Variants in EIF4H observed in about 807,000 individuals in gnomAD.
EIF4H encodes Williams-Beuren syndrome chromosome region 1.
Under a neutral mutation model 30.6 loss-of-function variants are expected in EIF4H, and 8 were observed. The ratio of observed to expected loss-of-function variants is 0.26; its 90% CI spans 0.15 to 0.47. EIF4H has a LOEUF of 0.47. EIF4H is among the 20% of genes least tolerant of loss of function. The pLI, the probability that EIF4H is intolerant of heterozygous loss-of-function variation, is 0.99. For missense variants in EIF4H, 188 were observed against 339.5 expected, an observed-to-expected ratio of 0.55 and a Z score of 3.51; for synonymous variants, 106 against 122.7, an observed-to-expected ratio of 0.86 and a Z score of 0.90.
At chr7:74,181,517 C>T (rs1261429444) in intron 1 of EIF4H, among the ~76,000 whole-genome samples, 2 of 152,076 alleles carry the variant, frequency 1.3e-5, no homozygotes, top group Non-Finnish European at 2.9e-5. Context: ...CCACAACCTC[C>T]GCCTCCTGGG....
intron 1 of EIF4H, among the ~76,000 whole-genome samples, chr7:74,176,239 CTTT>C (rs1283931267): frequency 4.4e-5 from 6 of 137,650 alleles, no homozygotes; most frequent in Admixed American, 1.5e-4. Flanking sequence ...CATGTGTATT[CTTT>C]TTTTTTTTTT....
At chr7:74,194,450 G>A (rs1159790634) in intron 5 of EIF4H, among the ~76,000 whole-genome samples, 9 of 152,114 alleles carry the variant, frequency 5.9e-5, no homozygotes, top group South Asian at 4.1e-4. Flanking sequence ...ATACAGTTTC[G>A]TGGTATTAAT....
At chr7:74,180,294 G>T (rs1023566648) in intron 1 of EIF4H, among the ~76,000 whole-genome samples, 1 of 152,200 alleles carries the variant, frequency 6.6e-6, no homozygotes, top group Non-Finnish European at 1.5e-5. Flanking sequence ...ACCATAGTTT[G>T]TTCTATAGAA....
At chr7:74,190,422 C>A in intron 5 of EIF4H, 116 bp downstream of exon 5, 5 of 1,038,764 alleles carry the variant, frequency 4.8e-6, no homozygotes, top group Non-Finnish European at 7.3e-6. Flanking sequence ...TTAACAAATA[C>A]AACTCTCCTG....
At chr7:74,192,158 T>C (rs565064864) in intron 5 of EIF4H, among the ~76,000 whole-genome samples, 6 of 152,304 alleles carry the variant, frequency 3.9e-5, no homozygotes, top group Non-Finnish European at 7.4e-5. Context: ...ACGCTAGACA[T>C]TGGTGGTCGA....
chr7:74,189,040 G>C (rs974581270), intron 2 of EIF4H, among the ~76,000 whole-genome samples: 4 of 152,116 alleles, frequency 2.6e-5, no homozygotes, highest in Non-Finnish European at 4.4e-5. Context: ...GGGATGCAGG[G>C]TGTAGTGCCA....
At chr7:74,194,213 C>T (rs1187197945) in intron 5 of EIF4H, among the ~76,000 whole-genome samples, 1 of 152,208 alleles carries the variant, frequency 6.6e-6, no homozygotes, top group Non-Finnish European at 1.5e-5. Flanking sequence ...CACACAGGTG[C>T]TTTGCTTGTA....
At chr7:74,174,568 C>A in intron 1 of EIF4H, 126 bp downstream of exon 1, 3 of 936,550 alleles carry the variant, frequency 3.2e-6, no homozygotes, top group Non-Finnish European at 2.7e-6. Context: ...GGCCTAGGAG[C>A]GGCGCCTGGA....
At chr7:74,190,729 G>A (rs1801187485) in intron 5 of EIF4H, among the ~76,000 whole-genome samples, 1 of 152,106 alleles carries the variant, frequency 6.6e-6, no homozygotes, top group East Asian at 1.9e-4. Context: ...GGAGGATTGT[G>A]GGGAGGTCCA....
chr7:74,180,593 T>C (rs1167280319), intron 1 of EIF4H, among the ~76,000 whole-genome samples: 1 of 152,226 alleles, frequency 6.6e-6, no homozygotes, highest in Admixed American at 6.5e-5. Context: ...AGGTCTTTGC[T>C]TTATAAATGT....
chr7:74,177,242 C>T (rs1231863251), intron 1 of EIF4H, among the ~76,000 whole-genome samples: 1 of 152,214 alleles, frequency 6.6e-6, no homozygotes, highest in East Asian at 1.9e-4. Flanking sequence ...AGCTACCACG[C>T]CCAGCCTAGG....
In EIF4H at chr7:74,195,512, T is replaced by C; in HGVS notation, c.*204T>C. ...CTTTGCTGTATCTATCTAGTGCCTGTTTGTGCGTTTTTTTCTTTCTTCCGC... is the reference window on the plus strand; with the variant it reads ...CTTTGCTGTATCTATCTAGTGCCTGCTTGTGCGTTTTTTTCTTTCTTCCGC... On this transcript the variant is annotated 3_prime_UTR_variant, in exon 7 of 7. Transcript: ENST00000265753. 2.2e-6 allele frequency: 1 copy of C among 457,874 alleles called. No homozygotes were observed. Among genetic ancestry groups the C allele is most frequent in the Non-Finnish European group, 3.8e-6 (1 of 261,028 alleles). 28.4% of individuals were successfully genotyped at this position (457,874 alleles called of 1,614,324 possible).
chr7:74,174,492 TCGGG>T (rs1800790022), intron 1 of EIF4H, 50 bp downstream of exon 1: 2 of 1,309,722 alleles, frequency 1.5e-6, no homozygotes, highest in African/African-American at 3.1e-5. Context: ...ACCGGCGGAG[TCGGG>T]GCCGTCAGGG....
At chr7:74,178,570 C>T (rs1345924725) in intron 1 of EIF4H, among the ~76,000 whole-genome samples, 1 of 151,814 alleles carries the variant, frequency 6.6e-6, no homozygotes, top group Non-Finnish European at 1.5e-5. Flanking sequence ...AAAAATTAAG[C>T]TTAGTGTTCT....
chr7:74,179,776 T>A (rs1213147318), intron 1 of EIF4H, among the ~76,000 whole-genome samples: 2 of 152,206 alleles, frequency 1.3e-5, no homozygotes, highest in African/African-American at 4.8e-5. Context: ...GTTGGTACAT[T>A]TTGTTATACA....
Position 74,196,462 on chromosome 7 carries a change from G to A in EIF4H, c.*1154G>A, listed in dbSNP as rs1554710788. On this transcript the variant is annotated 3_prime_UTR_variant, in exon 7 of 7. Coordinates refer to ENST00000265753, the MANE Select transcript of EIF4H (RefSeq NM_022170.2). ...TGTCTAGGTCTGCGGCCACATCTTGGGGACACACTGGACTGTTCCCATGTG... is the reference window on the plus strand; with the variant it reads ...TGTCTAGGTCTGCGGCCACATCTTGAGGACACACTGGACTGTTCCCATGTG... 1.3e-5 allele frequency: 2 copies of A among 152,686 alleles called. No homozygotes were observed. The highest frequency in any genetic ancestry group is 4.8e-5 in the African/African-American group (2 of 41,458). The allele number at this position is 152,686 out of a possible 1,614,324, so 9.5% of individuals were successfully genotyped here.
intron 1 of EIF4H, among the ~76,000 whole-genome samples, chr7:74,181,423 T>C (rs563500041): frequency 1.4e-4 from 22 of 152,284 alleles, no homozygotes; most frequent in Non-Finnish European, 2.2e-4. Context: ...TTTGTTTTTT[T>C]TGTTTTTTGT....
At chr7:74,187,884 C>A in intron 2 of EIF4H, 86 bp downstream of exon 2, 1 of 1,384,588 alleles carries the variant, frequency 7.2e-7, no homozygotes, top group African/African-American at 1.5e-5. Context: ...GATTTGTGAA[C>A]CAGAGGCTGT....
Position 74,174,391 on chromosome 7 carries a change from A to G in EIF4H, c.8A>G (p.Asp3Gly). Residue 3 changes from aspartate to glycine, a missense_variant, in exon 1 of 7, where the codon GAC becomes GGC. Around this residue, in one of 4 missense-constraint regions of EIF4H, gnomAD observed 43 missense variants for 43.4 expected, o/e 0.99. Transcript: ENST00000265753. MA[D>G]FDTYDDRAYS... ...TCGGAGCGGAGACGGCAAATGGCGG[A>G]CTTCGACACCTACGACGATCGGGCC... 1 of 1,457,596 alleles carries G rather than the reference A, an allele frequency of 6.9e-7. No homozygotes were observed. Among genetic ancestry groups the G allele is most frequent in the Non-Finnish European group, 9.2e-7 (1 of 1,091,034 alleles). 90.3% of individuals were successfully genotyped at this position (1,457,596 alleles called of 1,614,324 possible). A position where few individuals can be genotyped will look rare whatever the true frequency, so the allele number is the denominator to read the frequency against.
Sources: allele counts gnomAD v4.1 joint callset (sites outside exome capture counted in the v4.1 genomes callset), GRCh38; gene constraint gnomAD v4.1.1; regional missense constraint gnomAD v4.1.1; transcripts MANE v1.5; gene names NCBI Gene and HGNC (gene_info 2026-07-23, HGNC 2026-07-21).